Variants in PPID observed in about 807,000 individuals in gnomAD.
PPID encodes the protein peptidyl-prolyl cis-trans isomerase D.
PPID carries 47 observed loss-of-function variants against 48.1 expected under a neutral mutation model. The observed-to-expected ratio is 0.98, with a 90% CI of 0.77 to 1.25. The LOEUF (loss-of-function observed/expected upper bound fraction) is 1.25. PPID is among the 50% of genes most tolerant of loss of function. PPID has a pLI of 0.00. For synonymous variants in PPID, 163 were observed against 148.8 expected (o/e 1.10, Z -0.69); for missense variants, 429 against 443.5 (o/e 0.97, Z 0.29).
chr4:158,715,213 C>A, intron 6 of PPID, 84 bp downstream of exon 6: 1 of 1,167,114 alleles, frequency 8.6e-7, no homozygotes, highest in East Asian at 2.9e-5. Flanking sequence ...AAGTAATTTG[C>A]AAAAATATAA....
intron 6 of PPID, among the ~76,000 whole-genome samples, chr4:158,714,138 G>C (rs1774832949): frequency 6.6e-6 from 1 of 152,174 alleles, no homozygotes; most frequent in Non-Finnish European, 1.5e-5. Context: ...GATAAACTTA[G>C]AAGTTCAGTA....
intron 2 of PPID, among the ~76,000 whole-genome samples, chr4:158,720,772 T>G (rs1580433837): frequency 6.6e-6 from 1 of 152,136 alleles, no homozygotes; most frequent in Non-Finnish European, 1.5e-5. Flanking sequence ...TGGAGTGCAG[T>G]GGCGTGATCT....
intron 4 of PPID, among the ~76,000 whole-genome samples, chr4:158,716,478 G>A (rs2126333832): frequency 6.7e-6 from 1 of 149,316 alleles, no homozygotes; most frequent in African/African-American, 2.5e-5. Context: ...ACGTAAACTA[G>A]CAAAGATCAC....
chr4:158,717,654 T>TATGC (rs1774894401), intron 3 of PPID, among the ~76,000 whole-genome samples: 1 of 152,232 alleles, frequency 6.6e-6, no homozygotes, highest in Admixed American at 6.5e-5. Flanking sequence ...ACAGTATAAG[T>TATGC]CTTCCTTTAC....
At chr4:158,719,747 T>C (rs1774927857) in intron 2 of PPID, among the ~76,000 whole-genome samples, 1 of 152,220 alleles carries the variant, frequency 6.6e-6, no homozygotes, top group African/African-American at 2.4e-5. Flanking sequence ...TACAGACCAA[T>C]GATTCCCAGT....
chr4:158,716,395 G>A (rs1774872354), intron 4 of PPID, among the ~76,000 whole-genome samples: 1 of 152,014 alleles, frequency 6.6e-6, no homozygotes, highest in African/African-American at 2.4e-5. Context: ...AAGATTTTGG[G>A]CTTATTATCC....
At chr4:158,717,267 T>A (rs1192577795) in intron 3 of PPID, 67 bp from the exon 4 acceptor site, 1 of 1,419,182 alleles carries the variant, frequency 7.0e-7, no homozygotes, top group Non-Finnish European at 9.5e-7. Flanking sequence ...TGTGTTAGTC[T>A]GAACTGTTCT....
intron 6 of PPID, among the ~76,000 whole-genome samples, chr4:158,714,034 A>AT: frequency 6.6e-6 from 1 of 152,312 alleles, no homozygotes; most frequent in East Asian, 1.9e-4. Flanking sequence ...GGAAAAAAAA[A>AT]GAAAAGAAAA....
intron 7 of PPID, 66 bp from the exon 8 acceptor site, chr4:158,710,914 A>C (rs927002009): frequency 7.2e-7 from 1 of 1,382,706 alleles, no homozygotes; most frequent in African/African-American, 1.4e-5. Flanking sequence ...ATTTCAATTC[A>C]TTGCCTATCA....
Position 158,715,307 on chromosome 4 carries a change from C to A in PPID, c.742G>T (p.Glu248Ter). 6.7e-7 allele frequency: 1 copy of A among 1,499,900 alleles called. No homozygotes were observed. The highest frequency in any genetic ancestry group is 8.9e-7 in the Non-Finnish European group (1 of 1,122,244). The allele number at this position is 1,499,900 out of a possible 1,614,324, so 92.9% of individuals were successfully genotyped here. The change falls in exon 6 of 10, where the codon GAA (glutamate) becomes TAA (stop). Residue 248 changes from glutamate (E) to a stop codon, truncating the protein, a stop_gained. Coordinates refer to ENST00000307720, the MANE Select transcript of PPID (RefSeq NM_005038.3). LOFTEE classifies it high-confidence loss of function. Reference sequence around the variant, plus strand: ...TAGAAATAATATTACCTTAAAACTTCTGCATATTTTTTAATAGCCATCTCC... The same window carrying A: ...TAGAAATAATATTACCTTAAAACTTATGCATATTTTTTAATAGCCATCTCC... ...NWEMAIKKYA[E>*]VLRYVDSSKA... is the part of the protein sequence containing the mutation.
rs530279214 is a variant in PPID, at chr4:158,722,983, T to C, written c.85+221A>G. Among the ~76,000 whole-genome samples, 14 of 152,250 alleles carry C rather than the reference T, an allele frequency of 9.2e-5. No homozygotes were observed. In the South Asian group the frequency reaches 2.9e-3, roughly 32 times the overall value. ...GACGCCACAATTCCCGAACTAGAAA[T>C]TTCCAGAAACTTCCGCACCACCGAT... is the stretch of plus-strand genomic sequence containing the variant. On this transcript the variant is annotated intron_variant, in intron 1 of 9. Transcript: ENST00000307720.
chr4:158,718,441 T>G (rs1774905155), intron 3 of PPID, among the ~76,000 whole-genome samples: 1 of 152,226 alleles, frequency 6.6e-6, no homozygotes, highest in African/African-American at 2.4e-5. Flanking sequence ...AATTTAGCAT[T>G]TATTTATATA....
chr4:158,716,414 C>G (rs1348747331), intron 4 of PPID, among the ~76,000 whole-genome samples: 1 of 152,140 alleles, frequency 6.6e-6, no homozygotes, highest in African/African-American at 2.4e-5. Flanking sequence ...CCTCATTCCA[C>G]TATGTACTAC....
At chr4:158,719,414 C>T (rs1774921388) in intron 2 of PPID, 128 bp from the exon 3 acceptor site, 3 of 631,614 alleles carry the variant, frequency 4.7e-6, no homozygotes, top group Non-Finnish European at 8.3e-6. Flanking sequence ...CTGTTTGTCG[C>T]TCCCCACCCG....
At chr4:158,720,697 ATT>A (rs776669905) in intron 2 of PPID, among the ~76,000 whole-genome samples, 4 of 58,008 alleles carry the variant, frequency 6.9e-5, no homozygotes, top group African/African-American at 2.4e-4. Context: ...AAAATTATGC[ATT>A]TTTTTGTTTG....
At chr4:158,722,141 A>G (rs1430961592) in intron 1 of PPID, among the ~76,000 whole-genome samples, 2 of 152,252 alleles carry the variant, frequency 1.3e-5, no homozygotes, top group Non-Finnish European at 2.9e-5. Flanking sequence ...ATGTATGTAT[A>G]TAAACAGATT....
At chr4:158,719,150 C>A in intron 3 of PPID, 30 bp downstream of exon 3, 1 of 1,396,662 alleles carries the variant, frequency 7.2e-7, no homozygotes, top group South Asian at 1.2e-5. Context: ...ATCTTTTTAT[C>A]AGCAATAACA....
intron 6 of PPID, among the ~76,000 whole-genome samples, chr4:158,713,543 CA>C (rs1774823531): frequency 6.6e-6 from 1 of 152,096 alleles, no homozygotes; most frequent in African/African-American, 2.4e-5. Flanking sequence ...ATGTACTTTC[CA>C]ACATAATTAT....
intron 7 of PPID, among the ~76,000 whole-genome samples, chr4:158,711,391 A>ATT (rs757641661): frequency 1.4e-5 from 2 of 141,368 alleles, no homozygotes; most frequent in African/African-American, 5.2e-5. Context: ...CACCAGACTA[A>ATT]TTTTTTTTTT....
Sources: allele counts gnomAD v4.1 joint callset (sites outside exome capture counted in the v4.1 genomes callset), GRCh38; gene constraint gnomAD v4.1.1; transcripts MANE v1.5; gene names NCBI Gene and HGNC (gene_info 2026-07-23, HGNC 2026-07-21).